MYO16: variants seen among roughly 807,000 people sequenced by gnomAD.
The protein encoded by MYO16 is unconventional myosin-XVI.
MYO16 carries 94 observed loss-of-function variants against 205.3 expected under a neutral mutation model. The observed-to-expected ratio is 0.46, with a 90% CI of 0.39 to 0.54. The LOEUF (loss-of-function observed/expected upper bound fraction) is 0.54. Ranked by LOEUF, MYO16 falls within the 20% of genes least tolerant of loss-of-function variation. The pLI is 0.00. For synonymous variants in MYO16, 988 were observed against 954.0 expected, an observed-to-expected ratio of 1.04 and a Z score of -0.66; for missense variants, 2,315 against 2,387.5, an observed-to-expected ratio of 0.97 and a Z score of 0.63.
the MYO16 span, among the ~76,000 whole-genome samples, chr13:108,559,991 A>G: frequency 2.0e-5 from 3 of 152,186 alleles, no homozygotes; most frequent in African/African-American, 7.2e-5. Context: ...ATGGTAGACT[A>G]AAGCCCCTCT....
At chr13:108,570,358 C>T in the MYO16 span, among the ~76,000 whole-genome samples, 4 of 152,100 alleles carry the variant, frequency 2.6e-5, no homozygotes, top group Non-Finnish European at 5.9e-5. Flanking sequence ...AAGTGATCCT[C>T]CTGCCTCAGC....
chr13:108,538,197 A>T, the MYO16 span, among the ~76,000 whole-genome samples: 1 of 152,116 alleles, frequency 6.6e-6, no homozygotes, highest in South Asian at 2.1e-4. Flanking sequence ...ATGAAAGTAG[A>T]TAGACTAATA....
intron 4 of MYO16, among the ~76,000 whole-genome samples, chr13:108,782,553 T>A (rs1017155318): frequency 6.6e-6 from 1 of 152,204 alleles, no homozygotes; most frequent in African/African-American, 2.4e-5. Context: ...GAAATTTGCA[T>A]AAGTGGCAAG....
intron 27 of MYO16, among the ~76,000 whole-genome samples, chr13:109,083,458 A>G (rs929585240): frequency 2.7e-5 from 4 of 146,460 alleles, no homozygotes; most frequent in Non-Finnish European, 6.0e-5. Flanking sequence ...AAGGGTTATT[A>G]TGAATTGTCC....
In MYO16 at chr13:108,642,570, A is replaced by T. The variant is rs140312938; in HGVS notation, c.28+12698A>T. Among the ~76,000 whole-genome samples, 1,496 of 152,188 alleles carry T rather than the reference A, an allele frequency of 9.8e-3. 10 individuals carry two copies. The highest frequency in any genetic ancestry group is 0.071 in the Middle Eastern group (21 of 294). On this transcript the variant is annotated intron_variant, in intron 1 of 34. Coordinates refer to ENST00000457511, the MANE Select transcript of MYO16 (RefSeq NM_001198950.3). ...GTAGCTGAGACTACAGGCATGCACC[A>T]CCACGCCCAGCTAATTTTTGTATTT...
At chr13:108,973,230 AT>A (rs1884123399) in intron 20 of MYO16, among the ~76,000 whole-genome samples, 1 of 152,084 alleles carries the variant, frequency 6.6e-6, no homozygotes, top group Admixed American at 6.6e-5. Context: ...CACTTGTGAA[AT>A]TTCTCAAACT....
At chr13:109,123,242 C>T (rs1366395065) in intron 29 of MYO16, among the ~76,000 whole-genome samples, 1 of 152,096 alleles carries the variant, frequency 6.6e-6, no homozygotes, top group Non-Finnish European at 1.5e-5. Flanking sequence ...TTTTAAAAGG[C>T]TATTGGGATG....
At chr13:108,629,940 C>T in intron 1 of MYO16, 68 bp downstream of exon 1, 1 of 1,411,196 alleles carries the variant, frequency 7.1e-7, no homozygotes, top group Non-Finnish European at 9.6e-7. Flanking sequence ...GTGCAGATGC[C>T]AAAATTAAGG....
At chr13:108,784,707 T>C (rs1410249628) in intron 4 of MYO16, among the ~76,000 whole-genome samples, 1 of 152,230 alleles carries the variant, frequency 6.6e-6, no homozygotes, top group Non-Finnish European at 1.5e-5. Flanking sequence ...CAACACAGAA[T>C]ACTATTTTGT....
intron 3 of MYO16, among the ~76,000 whole-genome samples, chr13:108,720,699 A>T (rs1431526189): frequency 6.6e-6 from 1 of 152,206 alleles, no homozygotes; most frequent in East Asian, 1.9e-4. Flanking sequence ...CTCTGCCATG[A>T]CTGCTCCGTA....
chr13:108,800,875 T>G (rs929956531), intron 6 of MYO16, among the ~76,000 whole-genome samples: 13 of 152,058 alleles, frequency 8.5e-5, no homozygotes, highest in Non-Finnish European at 1.0e-4. Context: ...GATGCACAAA[T>G]ACAAGGGTAA....
chr13:108,644,808 G>C (rs1477814154), intron 1 of MYO16, among the ~76,000 whole-genome samples: 1 of 152,168 alleles, frequency 6.6e-6, no homozygotes, highest in African/African-American at 2.4e-5. Flanking sequence ...CCCATGAACA[G>C]GCCAGAAGAC....
intron 12 of MYO16, among the ~76,000 whole-genome samples, chr13:108,870,241 A>G (rs964204055): frequency 6.6e-6 from 1 of 151,972 alleles, no homozygotes. Flanking sequence ...GAAATATTAA[A>G]CCTACCTTAC....
chr13:108,838,247 G>GA (rs1173927953), intron 9 of MYO16, among the ~76,000 whole-genome samples: 11 of 151,448 alleles, frequency 7.3e-5, no homozygotes, highest in African/African-American at 2.7e-4. Context: ...ATGTTGTTGT[G>GA]AAAATGAAAA....
intron 23 of MYO16, among the ~76,000 whole-genome samples, chr13:109,020,544 G>A (rs1421795616): frequency 6.6e-6 from 1 of 152,124 alleles, no homozygotes; most frequent in Non-Finnish European, 1.5e-5. Context: ...CAACCACTCA[G>A]TGTTTCTGCA....
intron 1 of MYO16, among the ~76,000 whole-genome samples, chr13:108,645,235 C>T (rs903988061): frequency 6.6e-6 from 1 of 152,200 alleles, no homozygotes; most frequent in African/African-American, 2.4e-5. Context: ...AGATCTGACA[C>T]ATTTTCATGC....
intron 31 of MYO16, among the ~76,000 whole-genome samples, chr13:109,137,499 C>T (rs1163247807): frequency 6.6e-6 from 1 of 152,196 alleles, no homozygotes; most frequent in Non-Finnish European, 1.5e-5. Flanking sequence ...TTTCTAGAAG[C>T]TCAGGGGCTG....
At position 109,103,539 on chromosome 13, in the gene MYO16, T is replaced by C. The variant is rs60240329; in HGVS notation, c.3438+2652T>C. Among the ~76,000 whole-genome samples, 664 of 152,336 alleles carry C rather than the reference T, an allele frequency of 4.4e-3. 5 individuals carry two copies. Among genetic ancestry groups the C allele is most frequent in the African/African-American group, 0.015 (606 of 41,562 alleles). On this transcript the variant is annotated intron_variant, in intron 28 of 34. Transcript: ENST00000457511. The stretch of plus-strand genomic sequence containing the variant: ...TTGCTGTGTTAAGTGGTATACAGTG[T>C]TAGCTAGAAATTCATTTCTTTTAAC...
At chr13:109,105,408 G>A (rs1322545521) in intron 28 of MYO16, among the ~76,000 whole-genome samples, 4 of 152,180 alleles carry the variant, frequency 2.6e-5, no homozygotes, top group Admixed American at 6.5e-5. Context: ...GGAGGTGGAC[G>A]TTGTAGTGAG....
Sources: allele counts gnomAD v4.1 joint callset (sites outside exome capture counted in the v4.1 genomes callset), GRCh38; gene constraint gnomAD v4.1.1; transcripts MANE v1.5; gene names NCBI Gene and HGNC (gene_info 2026-07-23, HGNC 2026-07-21).